The following SORCS2 variants were observed in gnomAD, a reference collection of about 807,000 sequenced individuals.
SORCS2 encodes the protein VPS10 domain-containing receptor SorCS2.
In SORCS2, 100 loss-of-function variants were observed where a neutral mutation model predicts 141.6. The ratio of observed to expected loss-of-function variants is 0.71; its 90% confidence interval spans 0.60 to 0.83. The LOEUF is 0.83. SORCS2 is among the 40% of genes least tolerant of loss of function. The probability of loss-of-function intolerance (pLI) is 0.00; values close to 1 mark genes in which losing one functional copy is unlikely to be tolerated. For missense variants in SORCS2, 1,646 were observed against 1,560.2 expected, an observed-to-expected ratio of 1.05 and a Z score of -0.93; for synonymous variants, 789 against 676.9, an observed-to-expected ratio of 1.17 and a Z score of -2.57.
At chr4:7,383,701 T>C (rs1264385752) in intron 1 of SORCS2, among the ~76,000 whole-genome samples, 1 of 152,124 alleles carries the variant, frequency 6.6e-6, no homozygotes, top group East Asian at 1.9e-4. Context: ...CCCTTCCAGG[T>C]AGAAGCACAT....
Position 7,523,231 on chromosome 4 carries a change from G to A in SORCS2, c.549-8299G>A, listed in dbSNP as rs28630578. On this transcript the variant is annotated intron_variant, in intron 2 of 26. Transcript: ENST00000507866. ...GGCAGGCTCAGGAGCCACTAGGACC[G>A]CTAAGGAAGATGTACAGGAATTCGA... is the stretch of plus-strand genomic sequence containing the variant. Among the ~76,000 whole-genome samples the A allele has an allele frequency of 5.4e-3, 827 of 152,214 alleles. 13 individuals are homozygous for A. Among genetic ancestry groups the A allele is most frequent in the African/African-American group, 0.018 (752 of 41,538 alleles).
At chr4:7,618,736 T>C (rs553124659) in intron 3 of SORCS2, among the ~76,000 whole-genome samples, 73 of 152,200 alleles carry the variant, frequency 4.8e-4, no homozygotes, top group African/African-American at 1.7e-3. Flanking sequence ...CACCCCACCC[T>C]AGGACTTGCA....
chr4:7,409,153 G>A (rs966073339), intron 2 of SORCS2, among the ~76,000 whole-genome samples: 5 of 152,102 alleles, frequency 3.3e-5, no homozygotes, highest in African/African-American at 7.2e-5. Context: ...CAGTGTCTTT[G>A]CATTAAAGGA....
intron 10 of SORCS2, among the ~76,000 whole-genome samples, chr4:7,686,655 G>A (rs1421696548): frequency 1.3e-5 from 2 of 152,218 alleles, no homozygotes; most frequent in South Asian, 4.1e-4. Flanking sequence ...GGGTTCTGGG[G>A]CTCCTGATGC....
At chr4:7,282,767 C>A (rs1715964806) in intron 1 of SORCS2, among the ~76,000 whole-genome samples, 1 of 152,150 alleles carries the variant, frequency 6.6e-6, no homozygotes, top group Non-Finnish European at 1.5e-5. Flanking sequence ...CGAGGCTCAG[C>A]CAGCGGCAGG....
intron 13 of SORCS2, 21 bp downstream of exon 13, chr4:7,703,392 C>T (rs370018470): frequency 8.1e-6 from 13 of 1,601,880 alleles, no homozygotes; most frequent in South Asian, 2.2e-5. Context: ...CTGCTAGCCC[C>T]GGGGCAGGGA....
intron 2 of SORCS2, among the ~76,000 whole-genome samples, chr4:7,507,384 AGGATGGTCTCG>A (rs1732334996): frequency 6.6e-6 from 1 of 152,198 alleles, no homozygotes; most frequent in Non-Finnish European, 1.5e-5. Flanking sequence ...CGTGTTAGCC[AGGATGGTCTCG>A]ATCTTCTGAC....
At chr4:7,230,894 C>T (rs1309227460) in intron 1 of SORCS2, among the ~76,000 whole-genome samples, 1 of 152,116 alleles carries the variant, frequency 6.6e-6, no homozygotes, top group Non-Finnish European at 1.5e-5. Context: ...GGAGCAGTGT[C>T]ATGTGCTCTT....
intron 2 of SORCS2, among the ~76,000 whole-genome samples, chr4:7,466,511 A>G (rs997705968): frequency 1.3e-5 from 2 of 152,162 alleles, no homozygotes; most frequent in East Asian, 1.9e-4. Flanking sequence ...AGACTGTGTC[A>G]TCTCTAACAC....
At chr4:7,232,378 T>G (rs927111715) in intron 1 of SORCS2, among the ~76,000 whole-genome samples, 1 of 152,168 alleles carries the variant, frequency 6.6e-6, no homozygotes, top group Non-Finnish European at 1.5e-5. Flanking sequence ...GCTGCCAGAC[T>G]CCTAGGACCC....
intron 1 of SORCS2, among the ~76,000 whole-genome samples, chr4:7,289,651 A>G (rs1221867758): frequency 6.6e-6 from 1 of 152,122 alleles, no homozygotes. Context: ...AAAATATCAC[A>G]ATTCATGGAA....
intron 2 of SORCS2, chr4:7,435,017 G>A: frequency 9.1e-7 from 1 of 1,096,022 alleles, no homozygotes; most frequent in Non-Finnish European, 1.3e-6. Context: ...CTCACACCCT[G>A]TGCCCGGGGA....
At chr4:7,278,139 C>A (rs1715630816) in intron 1 of SORCS2, among the ~76,000 whole-genome samples, 1 of 152,210 alleles carries the variant, frequency 6.6e-6, no homozygotes, top group South Asian at 2.1e-4. Context: ...TCTTATTCAT[C>A]TACAGCCCCA....
intron 1 of SORCS2, among the ~76,000 whole-genome samples, chr4:7,289,846 C>T (rs1335846274): frequency 6.6e-6 from 1 of 152,196 alleles, no homozygotes; most frequent in Non-Finnish European, 1.5e-5. Flanking sequence ...TCCCGAGACG[C>T]TGCAGGGCCT....
chr4:7,556,718 TCCAC>T (rs1362909163), intron 3 of SORCS2, among the ~76,000 whole-genome samples: 9 of 150,048 alleles, frequency 6.0e-5, no homozygotes, highest in Non-Finnish European at 1.2e-4. Flanking sequence ...CCACCATTCA[TCCAC>T]CCACCCACCA....
At chr4:7,716,588 A>G (rs1206891816) in intron 17 of SORCS2, among the ~76,000 whole-genome samples, 1 of 151,094 alleles carries the variant, frequency 6.6e-6, no homozygotes, top group African/African-American at 2.4e-5. Context: ...CCATCTATCT[A>G]CCCATCAATT....
chr4:7,206,978 A>T (rs916314423), intron 1 of SORCS2, among the ~76,000 whole-genome samples: 2 of 152,104 alleles, frequency 1.3e-5, no homozygotes, highest in African/African-American at 4.8e-5. Flanking sequence ...TTCTGACGGA[A>T]ATGACTTTGC....
chr4:7,611,694 A>G (rs577299447), intron 3 of SORCS2, among the ~76,000 whole-genome samples: 3 of 152,354 alleles, frequency 2.0e-5, no homozygotes, highest in South Asian at 2.1e-4. Flanking sequence ...GAAAAATTCA[A>G]TAGTTGCAAA....
chr4:7,583,938 A>G (rs1025271144), intron 3 of SORCS2, among the ~76,000 whole-genome samples: 2 of 152,234 alleles, frequency 1.3e-5, no homozygotes, highest in African/African-American at 2.4e-5. Flanking sequence ...CTAATGTGCT[A>G]CGTCTTATAT....
Sources: gnomAD v4.1 joint callset for allele counts (sites outside exome capture counted in the v4.1 genomes callset) on GRCh38, gnomAD v4.1.1 for gene constraint, MANE v1.5 for transcripts, NCBI Gene and HGNC (gene_info 2026-07-23, HGNC 2026-07-21) for gene names.